Variants in GRM8 observed in about 807,000 individuals in gnomAD.
GRM8 encodes metabotropic glutamate receptor 8.
A neutral mutation model predicts 87.2 loss-of-function variants in GRM8; 47 were observed. The ratio of observed to expected loss-of-function variants is 0.54; its 90% confidence interval spans 0.43 to 0.69. The LOEUF (loss-of-function observed/expected upper bound fraction) is 0.69. Ranked by LOEUF, GRM8 falls within the 30% of genes least tolerant of loss-of-function variation. GRM8 has a pLI of 0.00. For synonymous variants in GRM8, 396 were observed against 404.5 expected (o/e 0.98, Z 0.25); for missense variants, 1,019 against 1,139.2 (o/e 0.89, Z 1.52).
chr7:126,509,951 G>A (rs1211880914), intron 9 of GRM8, among the ~76,000 whole-genome samples: 1 of 151,956 alleles, frequency 6.6e-6, no homozygotes, highest in East Asian at 1.9e-4. Context: ...TGTCATTCCG[G>A]CAATACCAGA....
intron 3 of GRM8, among the ~76,000 whole-genome samples, chr7:126,982,759 T>A: frequency 6.6e-6 from 1 of 152,366 alleles, no homozygotes; most frequent in East Asian, 1.9e-4. Flanking sequence ...CTGGTATTGA[T>A]GACTACCTTC....
chr7:127,119,346 C>A (rs1352850033), intron 2 of GRM8, among the ~76,000 whole-genome samples: 2 of 152,066 alleles, frequency 1.3e-5, no homozygotes, highest in Admixed American at 1.3e-4. Flanking sequence ...ATTAGCCAGG[C>A]ATGGTGGTGT....
At chr7:126,535,491 G>C (rs2150870029) in intron 8 of GRM8, among the ~76,000 whole-genome samples, 1 of 152,332 alleles carries the variant, frequency 6.6e-6, no homozygotes, top group Non-Finnish European at 1.5e-5. Context: ...CTCCATGACT[G>C]TTCCTGCAGA....
chr7:126,826,030 T>G (rs1421142160), intron 6 of GRM8, among the ~76,000 whole-genome samples: 1 of 152,272 alleles, frequency 6.6e-6, no homozygotes, highest in East Asian at 1.9e-4. Flanking sequence ...TTCATCCATG[T>G]CCCTACAAAG....
intron 6 of GRM8, among the ~76,000 whole-genome samples, chr7:126,847,572 C>A (rs1796820487): frequency 6.6e-6 from 1 of 152,082 alleles, no homozygotes; most frequent in African/African-American, 2.4e-5. Flanking sequence ...TTGGGGATCC[C>A]TAGACATCTC....
chr7:127,017,895 A>AT (rs749872416), intron 3 of GRM8, among the ~76,000 whole-genome samples: 4 of 152,040 alleles, frequency 2.6e-5, no homozygotes, highest in Non-Finnish European at 5.9e-5. Flanking sequence ...AAAGAAATGC[A>AT]TTTTTTTAAA....
intron 7 of GRM8, among the ~76,000 whole-genome samples, chr7:126,766,446 T>C (rs186234719): frequency 1.3e-5 from 2 of 152,246 alleles, no homozygotes; most frequent in African/African-American, 4.8e-5. Context: ...AAATTAAACA[T>C]TGGGATAGCC....
intron 3 of GRM8, among the ~76,000 whole-genome samples, chr7:126,982,953 C>T (rs1400612740): frequency 6.6e-6 from 1 of 152,116 alleles, no homozygotes; most frequent in Non-Finnish European, 1.5e-5. Context: ...CTAAGAGATG[C>T]CCTAATGAAT....
chr7:126,512,241 A>G (rs1811493580), intron 9 of GRM8: 1 of 152,210 alleles, frequency 6.6e-6, no homozygotes, highest in African/African-American at 2.4e-5. Context: ...ATATTCAGCT[A>G]TGGCTGGAAA....
rs140623536 is a variant in GRM8, at chr7:126,550,265, C to T, written c.1495-16378G>A. On this transcript the variant is annotated intron_variant, in intron 8 of 10. Coordinates refer to ENST00000339582, the MANE Select transcript of GRM8 (RefSeq NM_000845.3). ...GAGCAACTGGGACTACAGGCACACG[C>T]CACCACGCCTGGCTAATTTTTGTAT... 2.4e-3 allele frequency among the ~76,000 whole-genome samples: 371 copies of T among 152,172 alleles called. 3 individuals are homozygous for T. Among genetic ancestry groups the T allele is most frequent in the Non-Finnish European group, 4.8e-3 (325 of 67,986 alleles).
intron 9 of GRM8, among the ~76,000 whole-genome samples, chr7:126,503,137 C>T (rs1177618261): frequency 1.3e-5 from 2 of 151,934 alleles, no homozygotes; most frequent in Non-Finnish European, 2.9e-5. Context: ...TCTGGGATTG[C>T]TAGCCTTCAT....
At chr7:126,583,830 G>C (rs928332073) in intron 8 of GRM8, among the ~76,000 whole-genome samples, 3 of 152,186 alleles carry the variant, frequency 2.0e-5, no homozygotes, top group African/African-American at 7.2e-5. Context: ...GACAACAAAG[G>C]ATTTCAAATA....
chr7:127,230,023 T>A (rs978904982), intron 2 of GRM8: 1 of 152,152 alleles, frequency 6.6e-6, no homozygotes, highest in Non-Finnish European at 1.5e-5. Context: ...AGCAAAATGT[T>A]TTATCCTGAG....
chr7:126,973,152 TA>T (rs1810606468), intron 3 of GRM8, among the ~76,000 whole-genome samples: 2 of 152,208 alleles, frequency 1.3e-5, no homozygotes, highest in Non-Finnish European at 2.9e-5. Flanking sequence ...GAAAAGCTTG[TA>T]AAAACACATT....
chr7:126,775,977 T>C (rs534364258), intron 6 of GRM8, among the ~76,000 whole-genome samples: 4 of 152,268 alleles, frequency 2.6e-5, no homozygotes, highest in Non-Finnish European at 5.9e-5. Flanking sequence ...GTTCACTCTC[T>C]TCATTCCTTG....
At chr7:126,980,503 C>T (rs1289604666) in intron 3 of GRM8, among the ~76,000 whole-genome samples, 1 of 152,172 alleles carries the variant, frequency 6.6e-6, no homozygotes, top group Non-Finnish European at 1.5e-5. Context: ...GTTTCTTCAC[C>T]TTTGTTTCTT....
At chr7:127,132,076 A>T (rs1827718516) in intron 2 of GRM8, among the ~76,000 whole-genome samples, 1 of 152,244 alleles carries the variant, frequency 6.6e-6, no homozygotes, top group South Asian at 2.1e-4. Flanking sequence ...ACCACAGACC[A>T]GTCTTCATTA....
chr7:126,735,218 T>C (rs886661264), intron 7 of GRM8, among the ~76,000 whole-genome samples: 1 of 152,078 alleles, frequency 6.6e-6, no homozygotes, highest in Non-Finnish European at 1.5e-5. Context: ...GATTAATGTA[T>C]GTATTCTCAA....
At chr7:126,505,323 C>T (rs915404431) in intron 9 of GRM8, among the ~76,000 whole-genome samples, 11 of 152,086 alleles carry the variant, frequency 7.2e-5, no homozygotes, top group African/African-American at 2.4e-4. Context: ...AGTATCTTCT[C>T]GAATAGACAG....
Sources: gnomAD v4.1 joint callset for allele counts (sites outside exome capture counted in the v4.1 genomes callset) on GRCh38, gnomAD v4.1.1 for gene constraint, MANE v1.5 for transcripts, NCBI Gene and HGNC (gene_info 2026-07-23, HGNC 2026-07-21) for gene names.